Variants in ULK4 observed in about 807,000 individuals in gnomAD.
The protein encoded by ULK4 is inactive serine/threonine-protein kinase ULK4.
In ULK4, 133 loss-of-function variants were observed where a neutral mutation model predicts 160.6. The ratio of observed to expected loss-of-function variants is 0.83; its 90% CI spans 0.72 to 0.96. The LOEUF is 0.96. Among genes scored for constraint, ULK4 ranks in the 40% least tolerant of loss-of-function variants. ULK4 has a pLI of 0.00. For missense variants in ULK4, 1,580 were observed against 1,499.5 expected, an observed-to-expected ratio of 1.05 and a Z score of -0.89; for synonymous variants, 534 against 539.8, an observed-to-expected ratio of 0.99 and a Z score of 0.15.
intron 31 of ULK4, among the ~76,000 whole-genome samples, chr3:41,586,810 A>T (rs2030842834): frequency 6.6e-6 from 1 of 152,176 alleles, no homozygotes; most frequent in Non-Finnish European, 1.5e-5. Context: ...AAAAGAACTT[A>T]AAAGATGTAC....
rs147230046 is a variant in ULK4, at chr3:41,520,041, A to C, written c.3226+45984T>G. On this transcript the variant is annotated intron_variant, in intron 32 of 36. Transcript: ENST00000301831. ...TCATTTTCAGCTGGGGTTCATTTTT[A>C]ACTGCGGTAAAATACACATACCATA... Among the ~76,000 whole-genome samples, 815 of 152,326 alleles carry C rather than the reference A, an allele frequency of 5.4e-3. 12 individuals are homozygous for C. The highest frequency in any genetic ancestry group is 0.019 in the African/African-American group (784 of 41,582).
intron 31 of ULK4, among the ~76,000 whole-genome samples, chr3:41,569,684 C>CTTTT (rs1159208223): frequency 6.6e-6 from 1 of 152,116 alleles, no homozygotes; most frequent in African/African-American, 2.4e-5. Context: ...TTTATATTGC[C>CTTTT]TTTTACACCG....
chr3:41,690,039 C>G (rs547851995), intron 27 of ULK4, among the ~76,000 whole-genome samples: 6 of 145,096 alleles, frequency 4.1e-5, no homozygotes, highest in Non-Finnish European at 6.0e-5. Context: ...TTGGAACCAA[C>G]CCAAATGTCC....
chr3:41,870,236 C>T (rs1288717455), intron 17 of ULK4, among the ~76,000 whole-genome samples: 1 of 152,172 alleles, frequency 6.6e-6, no homozygotes, highest in Non-Finnish European at 1.5e-5. Context: ...GGAATGTGAG[C>T]TGACATTATC....
rs756412738 is a variant in ULK4 at position 41,954,699 on chromosome 3, C to G, written c.61G>C (p.Gly21Arg). The G allele has an allele frequency of 6.2e-7, 1 of 1,613,974 alleles. No homozygotes were observed. ...AAATTGATTGTTCCCTTCCGTCGCCCTTTATAGACAACAGTCTTGCTTCCT... is the reference window on the plus strand; with the variant it reads ...AAATTGATTGTTCCCTTCCGTCGCCGTTTATAGACAACAGTCTTGCTTCCT... ...GRGSKTVVYKGRRKGTINFVA... is the reference protein window; with the variant it reads ...GRGSKTVVYKRRRKGTINFVA... Residue 21 changes from glycine (G) to arginine (R), a missense_variant, in exon 2 of 37, where the codon GGG (glycine) becomes CGG (arginine). Transcript: ENST00000301831.
chr3:41,288,838 C>T (rs1454072479), intron 35 of ULK4, among the ~76,000 whole-genome samples: 1 of 152,180 alleles, frequency 6.6e-6, no homozygotes, highest in Non-Finnish European at 1.5e-5. Flanking sequence ...AGGAAAAACC[C>T]TCCTTGAAGT....
intron 35 of ULK4, among the ~76,000 whole-genome samples, chr3:41,338,864 G>A (rs1034753388): frequency 6.6e-6 from 1 of 151,658 alleles, no homozygotes; most frequent in Non-Finnish European, 1.5e-5. Flanking sequence ...GAAGATCAAG[G>A]GCAGACTGAT....
chr3:41,880,633 C>A (rs917459687), intron 17 of ULK4, among the ~76,000 whole-genome samples: 11 of 152,066 alleles, frequency 7.2e-5, no homozygotes, highest in African/African-American at 1.7e-4. Flanking sequence ...CATTAAAATG[C>A]TTATAGGGGC....
chr3:41,665,989 G>A (rs548667047), intron 29 of ULK4, among the ~76,000 whole-genome samples: 8 of 152,328 alleles, frequency 5.3e-5, no homozygotes, highest in South Asian at 2.1e-4. Flanking sequence ...GAGAAGAGAC[G>A]CATAGGGCAG....
intron 29 of ULK4, among the ~76,000 whole-genome samples, chr3:41,674,369 G>A (rs1328402471): frequency 6.6e-6 from 1 of 152,064 alleles, no homozygotes; most frequent in Non-Finnish European, 1.5e-5. Flanking sequence ...GGTCAATTTA[G>A]GCTTCAGTTC....
intron 22 of ULK4, among the ~76,000 whole-genome samples, chr3:41,749,482 C>CA (rs1457895316): frequency 3.4e-4 from 52 of 152,030 alleles, no homozygotes; most frequent in African/African-American, 1.3e-3. Flanking sequence ...GACTCCATTT[C>CA]AAAAAAATAA....
chr3:41,912,208 G>A (rs1318737761), intron 9 of ULK4, among the ~76,000 whole-genome samples: 2 of 151,546 alleles, frequency 1.3e-5, no homozygotes, highest in Non-Finnish European at 2.9e-5. Flanking sequence ...CACACCTATA[G>A]TCTCAGCTAC....
At chr3:41,824,553 A>G (rs111961919) in intron 18 of ULK4, among the ~76,000 whole-genome samples, 38,266 of 152,016 alleles carry the variant, frequency 0.25, 5,921 homozygotes, top group African/African-American at 0.44. Context: ...TACGCCCATG[A>G]AGCCTCGCTC....
intron 35 of ULK4, among the ~76,000 whole-genome samples, chr3:41,367,304 G>C (rs1042197663): frequency 3.9e-5 from 6 of 152,228 alleles, no homozygotes; most frequent in East Asian, 1.9e-4. Flanking sequence ...GCTGCCGAAA[G>C]CTGTAGGCAG....
At chr3:41,262,214 T>C (rs998202425) in intron 35 of ULK4, among the ~76,000 whole-genome samples, 1 of 151,792 alleles carries the variant, frequency 6.6e-6, no homozygotes, top group Non-Finnish European at 1.5e-5. Flanking sequence ...AAGCCGGGAG[T>C]TGACATTTCC....
rs566597644 is a variant in ULK4 at position 41,933,275 on chromosome 3, C to A, written c.379-1269G>T. ...CAAGTGCCAGGTCAACCTAATGCTGCTGGTCCAGAGGACCACTGGCAGGGA... is the reference window on the plus strand; with the variant it reads ...CAAGTGCCAGGTCAACCTAATGCTGATGGTCCAGAGGACCACTGGCAGGGA... On this transcript the variant is annotated intron_variant, in intron 4 of 36. Coordinates refer to ENST00000301831, the MANE Select transcript of ULK4 (RefSeq NM_017886.4). Among the ~76,000 whole-genome samples the A allele has an allele frequency of 1.3e-5, 2 of 152,286 alleles. 1 individual carries two copies. Among genetic ancestry groups the A allele is most frequent in the South Asian group, 4.1e-4 (2 of 4,822 alleles).
rs370241839 is a variant in ULK4 at position 41,704,282 on chromosome 3, C to G, written c.2781+775G>C. Among the ~76,000 whole-genome samples, 8 of 152,232 alleles carry G rather than the reference C, an allele frequency of 5.3e-5. No individual in the cohort carries two copies. In the East Asian group the frequency reaches 1.5e-3, roughly 29 times the overall value. On this transcript the variant is annotated intron_variant, in intron 27 of 36. Coordinates refer to ENST00000301831, the MANE Select transcript of ULK4 (RefSeq NM_017886.4). ...GCTGGGGTACAAGAAACACCTCCTC[C>G]CTATACCAAATCGCCAGTGCTTCAG... is the stretch of plus-strand genomic sequence containing the variant.
chr3:41,552,814 A>G (rs2087124028), intron 32 of ULK4, among the ~76,000 whole-genome samples: 1 of 151,780 alleles, frequency 6.6e-6, no homozygotes, highest in African/African-American at 2.4e-5. Flanking sequence ...TAAAAACAAC[A>G]GAAAAGGTTG....
intron 2 of ULK4, among the ~76,000 whole-genome samples, chr3:41,945,791 T>C (rs1700094514): frequency 6.6e-6 from 1 of 152,208 alleles, no homozygotes; most frequent in African/African-American, 2.4e-5. Flanking sequence ...CCCGAATCCA[T>C]TCTTTTCCTA....
Sources: gnomAD v4.1 joint callset for allele counts (sites outside exome capture counted in the v4.1 genomes callset) on GRCh38, gnomAD v4.1.1 for gene constraint, MANE v1.5 for transcripts, NCBI Gene and HGNC (gene_info 2026-07-23, HGNC 2026-07-21) for gene names.